Variants in PPM1E observed in about 807,000 individuals in gnomAD.
PPM1E encodes protein phosphatase 1E.
PPM1E carries 20 observed loss-of-function variants against 65.9 expected under a neutral mutation model. The ratio of observed to expected loss-of-function variants is 0.30; its 90% CI spans 0.21 to 0.44. PPM1E has a LOEUF of 0.44. Among genes scored for constraint, PPM1E ranks in the 20% least tolerant of loss-of-function variants. The pLI is 1.00. For synonymous variants in PPM1E, 352 were observed against 374.9 expected (o/e 0.94, Z 0.70); for missense variants, 713 against 953.1 (o/e 0.75, Z 3.32).
chr17:58,955,557 A>G, intron 1 of PPM1E, 92 bp from the exon 2 acceptor site: 1 of 1,415,190 alleles, frequency 7.1e-7, no homozygotes, highest in African/African-American at 1.4e-5. Flanking sequence ...GTTTTGAGAC[A>G]ATGTTATAAT....
intron 1 of PPM1E, among the ~76,000 whole-genome samples, chr17:58,799,602 C>T (rs1271489597): frequency 6.6e-6 from 1 of 152,228 alleles, no homozygotes. Context: ...ACCGCCACGC[C>T]TGGCTACATT....
In PPM1E at chr17:58,755,913, G is replaced by C. The variant is rs918880590; in HGVS notation, c.-85G>C. 1.9e-6 allele frequency: 3 copies of C among 1,569,620 alleles called. No homozygotes were observed. In the African/African-American group the frequency reaches 4.1e-5, roughly 21 times the overall value. On this transcript the variant is annotated 5_prime_UTR_variant, in exon 1 of 7. Transcript: ENST00000308249. ...GGTGCGGCCGTTAACCGCCCTTGCC[G>C]GAGCCCTAGGCTCAAAAGCAGCCCC...
Position 58,830,752 on chromosome 17 carries a change from C to T in PPM1E, c.464+74291C>T, listed in dbSNP as rs529035463. Among the ~76,000 whole-genome samples the T allele has an allele frequency of 2.6e-5, 4 of 152,044 alleles. No homozygotes were observed. In the East Asian group the frequency reaches 5.8e-4, roughly 22 times the overall value. On this transcript the variant is annotated intron_variant, in intron 1 of 6. Transcript: ENST00000308249. ...CCAGGCTGGAGTGCAGTGGCATGAT[C>T]TTGGCTCACTGCAACCTCTGCCTCT...
chr17:58,928,859 C>T (rs897634027), intron 1 of PPM1E, among the ~76,000 whole-genome samples: 5 of 151,970 alleles, frequency 3.3e-5, no homozygotes, highest in African/African-American at 7.3e-5. Flanking sequence ...CCCACCACCA[C>T]GCCCGGCTAA....
At chr17:58,790,147 C>T (rs1163003770) in intron 1 of PPM1E, among the ~76,000 whole-genome samples, 1 of 152,112 alleles carries the variant, frequency 6.6e-6, no homozygotes, top group Non-Finnish European at 1.5e-5. Context: ...CAGCTTCAAA[C>T]TCCTGGGCTC....
chr17:58,958,552 A>C (rs1391622490), intron 2 of PPM1E, among the ~76,000 whole-genome samples: 1 of 152,100 alleles, frequency 6.6e-6, no homozygotes, highest in Non-Finnish European at 1.5e-5. Context: ...ATGATCACTA[A>C]TACAGAGGAA....
At chr17:58,786,602 G>T (rs962901889) in intron 1 of PPM1E, among the ~76,000 whole-genome samples, 1 of 152,132 alleles carries the variant, frequency 6.6e-6, no homozygotes, top group South Asian at 2.1e-4. Context: ...ACAGAATGGC[G>T]TGCAGTTTAA....
chr17:58,921,385 T>C (rs1403662945), intron 1 of PPM1E, among the ~76,000 whole-genome samples: 1 of 152,044 alleles, frequency 6.6e-6, no homozygotes, highest in Non-Finnish European at 1.5e-5. Flanking sequence ...TGAGAGGGGA[T>C]AGAATCCAGT....
rs961211133 is a variant in PPM1E, at chr17:58,983,560, A to C, written c.*2529A>C. ...TAACCCTCTAACTAATGGTATCTAC[A>C]TATTTCTGTAACTTGTATTTAATGA... On this transcript the variant is annotated 3_prime_UTR_variant, in exon 7 of 7. Coordinates refer to ENST00000308249, the MANE Select transcript of PPM1E (RefSeq NM_014906.5). 1.3e-5 allele frequency: 2 copies of C among 152,612 alleles called. No homozygotes were observed. The highest frequency in any genetic ancestry group is 1.5e-5 in the Non-Finnish European group (1 of 68,042). 9.5% of individuals were successfully genotyped at this position (152,612 alleles called of 1,614,324 possible). A position where few individuals can be genotyped will look rare whatever the true frequency, so the allele number is the denominator to read the frequency against.
chr17:58,806,370 G>A (rs1197631878), intron 1 of PPM1E, among the ~76,000 whole-genome samples: 6 of 151,656 alleles, frequency 4.0e-5, no homozygotes, highest in East Asian at 1.9e-4. Flanking sequence ...GTTAGTTGTC[G>A]ACAGTATAGG....
chr17:58,895,891 G>A (rs1047585243), intron 1 of PPM1E, among the ~76,000 whole-genome samples: 1 of 149,784 alleles, frequency 6.7e-6, no homozygotes, highest in Non-Finnish European at 1.5e-5. Flanking sequence ...ATATCACGAG[G>A]TCAGGAGATC....
chr17:58,816,258 T>C (rs1448189512), intron 1 of PPM1E, among the ~76,000 whole-genome samples: 1 of 151,700 alleles, frequency 6.6e-6, no homozygotes, highest in African/African-American at 2.4e-5. Flanking sequence ...ACTCCTGACC[T>C]TGTGATCCGC....
chr17:58,840,485 A>G (rs1222270611), intron 1 of PPM1E, among the ~76,000 whole-genome samples: 1 of 152,248 alleles, frequency 6.6e-6, no homozygotes, highest in Admixed American at 6.5e-5. Flanking sequence ...TAACAAGTAT[A>G]CCTAATGCTC....
chr17:58,756,634 C>G (rs1040709753), intron 1 of PPM1E, among the ~76,000 whole-genome samples, 173 bp downstream of exon 1: 3 of 148,326 alleles, frequency 2.0e-5, no homozygotes, highest in African/African-American at 7.3e-5. Flanking sequence ...CGGCTGAGAG[C>G]TGCCCACGCC....
At chr17:58,979,608 T>G (rs1424040637) in intron 6 of PPM1E, among the ~76,000 whole-genome samples, 1 of 152,244 alleles carries the variant, frequency 6.6e-6, no homozygotes, top group Admixed American at 6.5e-5. Context: ...ACAGATCTAC[T>G]GAATCAACCA....
intron 1 of PPM1E, among the ~76,000 whole-genome samples, chr17:58,915,784 G>A (rs1406371792): frequency 1.3e-5 from 2 of 152,142 alleles, no homozygotes; most frequent in Non-Finnish European, 2.9e-5. Flanking sequence ...CTATTAAAAT[G>A]CATTGTAGCT....
chr17:58,762,849 G>C (rs1287000970), intron 1 of PPM1E, among the ~76,000 whole-genome samples: 1 of 145,384 alleles, frequency 6.9e-6, no homozygotes, highest in Non-Finnish European at 1.5e-5. Flanking sequence ...AGTGAGCCGA[G>C]ATCCCGCCAC....
intron 1 of PPM1E, among the ~76,000 whole-genome samples, chr17:58,773,256 A>G (rs1039779670): frequency 6.6e-6 from 1 of 152,162 alleles, no homozygotes; most frequent in African/African-American, 2.4e-5. Context: ...TGAGTAGTAT[A>G]CAAGACAACA....
At chr17:58,770,363 G>A (rs2049924968) in intron 1 of PPM1E, among the ~76,000 whole-genome samples, 1 of 151,992 alleles carries the variant, frequency 6.6e-6, no homozygotes, top group African/African-American at 2.4e-5. Flanking sequence ...ATACATTGAA[G>A]ATTAAAATAT....
Sources: allele counts gnomAD v4.1 joint callset (sites outside exome capture counted in the v4.1 genomes callset), GRCh38; gene constraint gnomAD v4.1.1; transcripts MANE v1.5; gene names NCBI Gene and HGNC (gene_info 2026-07-23, HGNC 2026-07-21).